The following ANKFY1 variants were observed in gnomAD, a reference collection of about 807,000 sequenced individuals.
The protein encoded by ANKFY1 is ankyrin repeat and FYVE domain containing 1.
ANKFY1 carries 47 observed loss-of-function variants against 128.3 expected under a neutral mutation model. The observed-to-expected ratio is 0.37, with a 90% CI of 0.29 to 0.47. The LOEUF (loss-of-function observed/expected upper bound fraction) is 0.47. Among genes scored for constraint, ANKFY1 ranks in the 20% least tolerant of loss-of-function variants. ANKFY1 has a pLI of 1.00. For missense variants in ANKFY1, 1,222 were observed against 1,510.6 expected (o/e 0.81, Z 3.17); for synonymous variants, 553 against 601.6 (o/e 0.92, Z 1.18).
intron 19 of ANKFY1, 78 bp downstream of exon 19, chr17:4,177,048 C>G: frequency 1.4e-6 from 2 of 1,386,574 alleles, no homozygotes; most frequent in Non-Finnish European, 1.9e-6. Context: ...GGCAAAGCAC[C>G]TGTGATGAGA....
intron 3 of ANKFY1, among the ~76,000 whole-genome samples, chr17:4,233,397 T>G (rs1266515707): frequency 6.6e-6 from 1 of 152,136 alleles, no homozygotes; most frequent in Non-Finnish European, 1.5e-5. Flanking sequence ...CCTCGAGATT[T>G]CGATCACGTG....
chr17:4,252,283 T>C lies in ANKFY1; in HGVS notation c.11-9835A>G, dbSNP rs544742173. Reference sequence around the variant, plus strand: ...AAGTTATGGCAAAGATCTGGAGAACTAGGCCAAGCGCAGTGGTTCACACCT... The same window carrying C: ...AAGTTATGGCAAAGATCTGGAGAACCAGGCCAAGCGCAGTGGTTCACACCT... On this transcript the variant is annotated intron_variant, in intron 1 of 24. Transcript: ENST00000341657. 4.6e-5 allele frequency among the ~76,000 whole-genome samples: 7 copies of C among 152,282 alleles called. No homozygotes were observed. In the South Asian group the frequency reaches 1.5e-3, roughly 32 times the overall value.
chr17:4,249,116 A>G, intron 1 of ANKFY1: 1 of 985,306 alleles, frequency 1.0e-6, no homozygotes, highest in Non-Finnish European at 1.2e-6. Context: ...TGGCACAGTC[A>G]GAAGAGAAAC....
At position 4,169,344 on chromosome 17, in the gene ANKFY1, C is replaced by T; in HGVS notation, c.3287-56G>A. 7.2e-7 allele frequency: 1 copy of T among 1,392,236 alleles called. No homozygotes were observed. Among genetic ancestry groups the T allele is most frequent in the Non-Finnish European group, 9.9e-7 (1 of 1,007,442 alleles). 86.2% of individuals were successfully genotyped at this position (1,392,236 alleles called of 1,614,324 possible). A position where few individuals can be genotyped will look rare whatever the true frequency, so the allele number is the denominator to read the frequency against. On this transcript the variant is annotated intron_variant, in intron 23 of 24. Transcript: ENST00000341657. The surrounding 1 kb of genome is among the most constrained non-coding windows in gnomAD (Gnocchi z 5.0). Reference sequence around the variant, plus strand: ...CAAACCGCGACGGCGCCACGCAAGCCCCAGGGCTTGGAGGCAGCAGGAACA... The same window carrying T: ...CAAACCGCGACGGCGCCACGCAAGCTCCAGGGCTTGGAGGCAGCAGGAACA...
intron 3 of ANKFY1, chr17:4,222,955 G>T (rs904057329): frequency 1.4e-5 from 17 of 1,235,596 alleles, no homozygotes; most frequent in Non-Finnish European, 2.0e-5. Context: ...AACGACTTGA[G>T]AAGTGTCACT....
At chr17:4,228,871 C>T (rs8072738) in intron 3 of ANKFY1, among the ~76,000 whole-genome samples, 7,703 of 152,150 alleles carry the variant, frequency 0.051, 428 homozygotes, top group African/African-American at 0.14. Context: ...ACAGGCAGCA[C>T]GGCACTGTGG....
rs749017250 is a variant in ANKFY1 at position 4,208,052 on chromosome 17, T to C, written c.613A>G (p.Met205Val). Residue 205 changes from methionine to valine, a missense_variant, in exon 6 of 25, where the codon ATG becomes GTG. By Grantham distance (21) the Met-to-Val change is conservative (BLOSUM62 1). Coordinates refer to ENST00000341657, the MANE Select transcript of ANKFY1 (RefSeq NM_001330063.2). ...ATTTTGTATAACAACTGAGCGCTCA[T>C]GCTGCTGAAATCCTCCTTCCTCAGG... ...DDLRKEDFSS[M>V]SAQLLYKMIK... 1.2e-6 allele frequency: 2 copies of C among 1,610,158 alleles called. No individual in the cohort carries two copies. The highest frequency in any genetic ancestry group is 1.7e-6 in the Non-Finnish European group (2 of 1,178,458).
chr17:4,183,413 G>C lies in ANKFY1; in HGVS notation c.1937C>G (p.Ala646Gly). Residue 646 changes from alanine (A) to glycine (G), a missense_variant, in exon 14 of 25, where the codon GCA (alanine) becomes GGA (glycine). By Grantham distance (60) the Ala-to-Gly change is moderately conservative. Transcript: ENST00000341657. ...TTCCTCCTACCTGACATTTATATCT[G>C]CCTGGTGCTCCAGCAGGAAGAGTGC... ...KSALFLLEHQ[A>G]DINVRTQDGE... 6.2e-7 allele frequency: 1 copy of C among 1,613,830 alleles called. No individual in the cohort carries two copies. The highest frequency in any genetic ancestry group is 1.3e-5 in the African/African-American group (1 of 75,024).
chr17:4,214,698 T>C (rs570994357), intron 4 of ANKFY1, among the ~76,000 whole-genome samples: 1 of 152,212 alleles, frequency 6.6e-6, no homozygotes, highest in South Asian at 2.1e-4. Context: ...GCTAATTTTT[T>C]TGTATTTTTA....
chr17:4,206,370 G>A lies in ANKFY1; in HGVS notation c.849C>T (p.Asp283=), dbSNP rs1417477410. 6.2e-7 allele frequency: 1 copy of A among 1,614,080 alleles called. No individual in the cohort carries two copies. Among genetic ancestry groups the A allele is most frequent in the Non-Finnish European group, 8.5e-7 (1 of 1,180,034 alleles). The change falls in exon 7 of 25, where the codon GAC becomes GAT. Residue 283 remains aspartate (D), a synonymous_variant. Transcript: ENST00000341657. ...AGCTCCAGCCACTCTTGTCCACCAT[G>A]TCCACATCAGCTTTGTGACTAACCA... is the stretch of plus-strand genomic sequence containing the variant. The part of the protein sequence containing the change: ...TTLVSHKADV[D]MVDKSGWSLL...
chr17:4,167,669 G>T lies in ANKFY1; in HGVS notation c.*110C>A. The T allele has an allele frequency of 9.1e-7, 1 of 1,099,866 alleles. No homozygotes were observed. The highest frequency in any genetic ancestry group is 1.3e-6 in the Non-Finnish European group (1 of 796,090). The allele number at this position is 1,099,866 out of a possible 1,614,324, so 68.1% of individuals were successfully genotyped here. On this transcript the variant is annotated 3_prime_UTR_variant, in exon 25 of 25. Coordinates refer to ENST00000341657, the MANE Select transcript of ANKFY1 (RefSeq NM_001330063.2). This position sits in a 1 kb window ranked among gnomAD's most constrained non-coding sequence, Gnocchi z 4.1. ...TGGTCCTTAATCGTTCCAGTCTATT[G>T]CCGCAGGAAGACACCCGCCAGCTCC...
At chr17:4,182,831 C>T (rs537708705) in intron 14 of ANKFY1, among the ~76,000 whole-genome samples, 16 of 152,258 alleles carry the variant, frequency 1.1e-4, no homozygotes, top group African/African-American at 3.9e-4. Context: ...TAGGGTGGGC[C>T]GCAGTGGCTC....
At chr17:4,254,203 C>G (rs1347630098) in intron 1 of ANKFY1, among the ~76,000 whole-genome samples, 1 of 148,542 alleles carries the variant, frequency 6.7e-6, no homozygotes, top group African/African-American at 2.5e-5. Context: ...ACTCGGGAGG[C>G]TGAGGCAGGA....
At chr17:4,255,949 C>A (rs12945048) in intron 1 of ANKFY1, among the ~76,000 whole-genome samples, 31,528 of 152,006 alleles carry the variant, frequency 0.21, 4,019 homozygotes, top group Non-Finnish European at 0.28. Context: ...TCCCGAATAG[C>A]TAGGATTACA....
At chr17:4,231,298 C>T (rs1463025544) in intron 3 of ANKFY1, among the ~76,000 whole-genome samples, 1 of 152,072 alleles carries the variant, frequency 6.6e-6, no homozygotes, top group African/African-American at 2.4e-5. Flanking sequence ...GAGTTTGAGA[C>T]CAGCCTTGGC....
intron 1 of ANKFY1, among the ~76,000 whole-genome samples, chr17:4,262,384 C>T (rs1968466865): frequency 6.6e-6 from 1 of 152,204 alleles, no homozygotes; most frequent in Non-Finnish European, 1.5e-5. Context: ...GCCTCATCCT[C>T]CCGAGTACCT....
chr17:4,192,313 C>G (rs1400096186), intron 10 of ANKFY1, among the ~76,000 whole-genome samples: 2 of 144,242 alleles, frequency 1.4e-5, no homozygotes, highest in Non-Finnish European at 3.0e-5. Flanking sequence ...TTACTCTAAT[C>G]TGGAGACTCT....
intron 3 of ANKFY1, among the ~76,000 whole-genome samples, chr17:4,233,827 C>T (rs762221315): frequency 1.3e-5 from 2 of 152,212 alleles, no homozygotes; most frequent in Non-Finnish European, 2.9e-5. Context: ...TTATAATCAT[C>T]TCAGTGTTCC....
chr17:4,223,630 G>C (rs1056462992), intron 3 of ANKFY1: 1 of 1,502,410 alleles, frequency 6.7e-7, no homozygotes, highest in Admixed American at 1.7e-5. Flanking sequence ...TGGGCCAGAC[G>C]CCCTACATGG....
Sources: gnomAD v4.1 joint callset for allele counts (sites outside exome capture counted in the v4.1 genomes callset) on GRCh38, gnomAD v4.1.1 for gene constraint, Gnocchi (gnomAD v3.1) non-coding constraint, MANE v1.5 for transcripts, NCBI Gene and HGNC (gene_info 2026-07-23, HGNC 2026-07-21) for gene names.